The following ST3GAL4 variants were observed in gnomAD, a reference collection of about 807,000 sequenced individuals.
ST3GAL4 encodes ST3 beta-galactoside alpha-2,3-sialyltransferase 4.
In ST3GAL4, 24 loss-of-function variants were observed where a neutral mutation model predicts 42.6. The ratio of observed to expected loss-of-function variants is 0.56; its 90% CI spans 0.41 to 0.79. The LOEUF is 0.79. Among genes scored for constraint, ST3GAL4 ranks in the 30% least tolerant of loss-of-function variants. The probability of loss-of-function intolerance (pLI) is 0.00; values close to 1 mark genes in which losing one functional copy is unlikely to be tolerated. For synonymous variants in ST3GAL4, 135 were observed against 163.2 expected, an observed-to-expected ratio of 0.83 and a Z score of 1.32; for missense variants, 311 against 430.8, an observed-to-expected ratio of 0.72 and a Z score of 2.46.
At position 126,398,378 on chromosome 11, in the gene ST3GAL4, C is replaced by T. The variant is rs1953865556; in HGVS notation, c.-60-7718C>T. Among the ~76,000 whole-genome samples, 1 of 152,264 alleles carries T rather than the reference C, an allele frequency of 6.6e-6. No homozygotes were observed. Among genetic ancestry groups the T allele is most frequent in the Admixed American group, 6.5e-5 (1 of 15,292 alleles). On this transcript the variant is annotated intron_variant, in intron 1 of 10. Transcript: ENST00000444328. The surrounding 1 kb of genome is among the most constrained non-coding windows in gnomAD (Gnocchi z 4.7). ...AATCTTCTTTGACTCCATGTCCTGCCTTCCAGACACACTCGGGTAGGGACT... is the reference window on the plus strand; with the variant it reads ...AATCTTCTTTGACTCCATGTCCTGCTTTCCAGACACACTCGGGTAGGGACT...
Position 126,376,058 on chromosome 11 carries a change from T to C in ST3GAL4, c.-61+20216T>C, listed in dbSNP as rs1952824879. Among the ~76,000 whole-genome samples the C allele has an allele frequency of 6.6e-6, 1 of 152,068 alleles. No individual in the cohort carries two copies. The highest frequency in any genetic ancestry group is 6.6e-5 in the Admixed American group (1 of 15,264). On this transcript the variant is annotated intron_variant, in intron 1 of 10. Coordinates refer to ENST00000444328, the MANE Select transcript of ST3GAL4 (RefSeq NM_001254757.2). This position sits in a 1 kb window ranked among gnomAD's most constrained non-coding sequence, Gnocchi z 5.1. ...GGCAGTTTAATAGAATCTAGAGATA[T>C]AAAGAAGTTCCTGACCACAGAGTTC...
rs1363142582 is a variant in ST3GAL4 at position 126,409,756 on chromosome 11, G to C, written c.771+345G>C. The stretch of plus-strand genomic sequence containing the variant: ...TGTGGAACAACTTGAGCCATGCAGA[G>C]TTACTGTTAGATACTTCATCTGTGA... On this transcript the variant is annotated intron_variant, in intron 9 of 10. Transcript: ENST00000444328. The surrounding 1 kb of genome is among the most constrained non-coding windows in gnomAD (Gnocchi z 4.9). Among the ~76,000 whole-genome samples, 4 of 152,160 alleles carry C rather than the reference G, an allele frequency of 2.6e-5. No homozygotes were observed. Among genetic ancestry groups the C allele is most frequent in the African/African-American group, 4.8e-5 (2 of 41,422 alleles).
chr11:126,414,058 A>C lies in ST3GAL4; in HGVS notation c.*11A>C, dbSNP rs1954641148. On this transcript the variant is annotated 3_prime_UTR_variant, in exon 11 of 11. Transcript: ENST00000444328. ...CTCACGTCCTTCTGACCTGGGCAAG[A>C]GCTGTAGCCTGTCGGTTGCCTACTC... is the stretch of plus-strand genomic sequence containing the variant. 6.2e-7 allele frequency: 1 copy of C among 1,613,930 alleles called. No homozygotes were observed. Among genetic ancestry groups the C allele is most frequent in the Non-Finnish European group, 8.5e-7 (1 of 1,179,926 alleles).
At chr11:126,358,570 T>C in intron 1 of ST3GAL4, 1 of 418,896 alleles carries the variant, frequency 2.4e-6, no homozygotes, top group South Asian at 1.7e-5. Flanking sequence ...TAGCTTCACG[T>C]GAGAGCAGCA....
At chr11:126,361,884 CTTT>C (rs112227008) in intron 1 of ST3GAL4, among the ~76,000 whole-genome samples, 4 of 143,136 alleles carry the variant, frequency 2.8e-5, no homozygotes, top group Non-Finnish European at 6.1e-5. Flanking sequence ...ATTAACACTT[CTTT>C]TTTTTTTTTT....
intron 1 of ST3GAL4, among the ~76,000 whole-genome samples, chr11:126,380,177 G>A (rs540583458): frequency 1.3e-5 from 2 of 151,648 alleles, no homozygotes; most frequent in South Asian, 4.2e-4. Flanking sequence ...CAGGAGAATC[G>A]CTTAAACCCA....
chr11:126,406,691 C>A lies in ST3GAL4; in HGVS notation c.101+134C>A. The A allele has an allele frequency of 1.3e-6, 1 of 780,034 alleles. No homozygotes were observed. Among genetic ancestry groups the A allele is most frequent in the South Asian group, 1.6e-5 (1 of 63,376 alleles). The allele number at this position is 780,034 out of a possible 1,614,324, so 48.3% of individuals were successfully genotyped here. On this transcript the variant is annotated intron_variant, in intron 3 of 10. Transcript: ENST00000444328. This position sits in a 1 kb window ranked among gnomAD's most constrained non-coding sequence, Gnocchi z 5.4. ...GCACATGACCTCATCCCTTCAGCTGCTGGTACGGAGTGTTTCCATGAGGGT... is the reference window on the plus strand; with the variant it reads ...GCACATGACCTCATCCCTTCAGCTGATGGTACGGAGTGTTTCCATGAGGGT...
chr11:126,361,868 C>T lies in ST3GAL4; in HGVS notation c.-61+6026C>T, dbSNP rs1011391643. 6.1e-4 allele frequency among the ~76,000 whole-genome samples: 92 copies of T among 151,698 alleles called. 1 individual carries two copies. Among genetic ancestry groups the T allele is most frequent in the Non-Finnish European group, 4.9e-4 (33 of 67,962 alleles). ...CCACTGTAGCCTCCATTTCCTTCTC[C>T]GAGAAATTAACACTTCTTTTTTTTT... On this transcript the variant is annotated intron_variant, in intron 1 of 10. Coordinates refer to ENST00000444328, the MANE Select transcript of ST3GAL4 (RefSeq NM_001254757.2).
At chr11:126,375,797 C>T (rs1009464475) in intron 1 of ST3GAL4, among the ~76,000 whole-genome samples, 1 of 151,832 alleles carries the variant, frequency 6.6e-6, no homozygotes, top group Non-Finnish European at 1.5e-5. Context: ...CAGGACAGAC[C>T]CCGCAACAAT....
chr11:126,406,012 G>C lies in ST3GAL4; in HGVS notation c.-60-84G>C. The C allele has an allele frequency of 6.8e-7, 1 of 1,470,632 alleles. No homozygotes were observed. The allele number at this position is 1,470,632 out of a possible 1,614,324, so 91.1% of individuals were successfully genotyped here. A position where few individuals can be genotyped will look rare whatever the true frequency, so the allele number is the denominator to read the frequency against. On this transcript the variant is annotated intron_variant, in intron 1 of 10. Transcript: ENST00000444328. The surrounding 1 kb of genome is among the most constrained non-coding windows in gnomAD (Gnocchi z 5.4). The stretch of plus-strand genomic sequence containing the variant: ...TCCTGCTTTCTGGTGGAAGGGAGGG[G>C]CAGACAGTGGGTGTGTCCTGCTCCA...
chr11:126,402,875 G>A (rs892396108), intron 1 of ST3GAL4, among the ~76,000 whole-genome samples: 1 of 152,234 alleles, frequency 6.6e-6, no homozygotes, highest in Non-Finnish European at 1.5e-5. Flanking sequence ...ACCAAGAAGA[G>A]CAGATTGTCT....
At chr11:126,403,370 A>G (rs943342861) in intron 1 of ST3GAL4, 5 of 981,004 alleles carry the variant, frequency 5.1e-6, no homozygotes, top group Non-Finnish European at 4.8e-6. Context: ...CTGACGCCAA[A>G]GGTTTTTCCC....
intron 5 of ST3GAL4, 101 bp from the exon 6 acceptor site, chr11:126,407,470 GGAA>G: frequency 2.6e-6 from 4 of 1,563,284 alleles, no homozygotes; most frequent in Admixed American, 1.7e-5. Context: ...CAGGGTCAGG[GGAA>G]GAAGAAGGCA....
chr11:126,392,224 A>G lies in ST3GAL4; in HGVS notation c.-60-13872A>G. 1 of 768,034 alleles carries G rather than the reference A, an allele frequency of 1.3e-6. No homozygotes were observed. The highest frequency in any genetic ancestry group is 1.6e-6 in the Non-Finnish European group (1 of 631,284). The allele number at this position is 768,034 out of a possible 1,614,324, so 47.6% of individuals were successfully genotyped here. Reference sequence around the variant, plus strand: ...GTTTCATCTCAGGTTGACCCCCGTTAGGAGGAAGTAAGTAGGAAGGAAGGA... The same window carrying G: ...GTTTCATCTCAGGTTGACCCCCGTTGGGAGGAAGTAAGTAGGAAGGAAGGA... On this transcript the variant is annotated intron_variant, in intron 1 of 10. Transcript: ENST00000444328. The surrounding 1 kb of genome is among the most constrained non-coding windows in gnomAD (Gnocchi z 5.8).
chr11:126,371,701 G>C (rs1952654916), intron 1 of ST3GAL4, among the ~76,000 whole-genome samples: 1 of 152,192 alleles, frequency 6.6e-6, no homozygotes, highest in Non-Finnish European at 1.5e-5. Context: ...TAGTTAAGTT[G>C]TTTCCATTTT....
In ST3GAL4 at chr11:126,391,151, G is replaced by A. The variant is rs1241237182; in HGVS notation, c.-60-14945G>A. Among the ~76,000 whole-genome samples the A allele has an allele frequency of 6.6e-6, 1 of 152,122 alleles. No individual in the cohort carries two copies. The highest frequency in any genetic ancestry group is 6.5e-5 in the Admixed American group (1 of 15,270). ...AAGTCAATAATGCTGCTGTGACCAC[G>A]GGTGTACAGATATCTCTTTGACATC... On this transcript the variant is annotated intron_variant, in intron 1 of 10. Transcript: ENST00000444328. The surrounding 1 kb of genome is among the most constrained non-coding windows in gnomAD (Gnocchi z 5.5).
chr11:126,372,577 C>T (rs951532144), intron 1 of ST3GAL4, among the ~76,000 whole-genome samples: 18 of 151,920 alleles, frequency 1.2e-4, no homozygotes, highest in African/African-American at 1.9e-4. Context: ...CCACCACACC[C>T]GGCTAATTTT....
intron 6 of ST3GAL4, 90 bp downstream of exon 6, chr11:126,407,724 G>A (rs577335255): frequency 7.6e-7 from 1 of 1,323,296 alleles, no homozygotes; most frequent in East Asian, 2.5e-5. Flanking sequence ...CCCGCTCTGT[G>A]AAACAGTCAT....
chr11:126,401,589 A>C (rs2135522515), intron 1 of ST3GAL4, among the ~76,000 whole-genome samples: 1 of 149,342 alleles, frequency 6.7e-6, no homozygotes, highest in South Asian at 2.1e-4. Context: ...AAAAAAAAAA[A>C]GGTGGGCCCC....
Sources: allele counts gnomAD v4.1 joint callset (sites outside exome capture counted in the v4.1 genomes callset), GRCh38; gene constraint gnomAD v4.1.1; non-coding constraint Gnocchi (gnomAD v3.1); transcripts MANE v1.5; gene names NCBI Gene and HGNC (gene_info 2026-07-23, HGNC 2026-07-21).